Variants in THRB observed in about 807,000 individuals in gnomAD.
THRB encodes the protein nuclear receptor subfamily 1 group A member 2.
THRB carries 12 observed loss-of-function variants against 47.8 expected under a neutral mutation model. That is an observed-to-expected ratio of 0.25 (90% CI 0.16 to 0.41). The LOEUF is 0.41. Ranked by LOEUF, THRB falls within the 10% of genes least tolerant of loss-of-function variation. The pLI, the probability that THRB is intolerant of heterozygous loss-of-function variation, is 1.00. For missense variants in THRB, 348 were observed against 589.2 expected (o/e 0.59, Z 4.24); for synonymous variants, 218 against 212.2 (o/e 1.03, Z -0.24).
At chr3:24,481,229 G>GTTTTTTTTTTT (rs746323691) in intron 1 of THRB, among the ~76,000 whole-genome samples, 25 of 55,364 alleles carry the variant, frequency 4.5e-4, no homozygotes, top group African/African-American at 9.9e-4. Flanking sequence ...GTTTCTTTCT[G>GTTTTTTTTTTT]TTTTTTTTTT....
At chr3:24,422,729 C>A (rs2069387504) in intron 1 of THRB, among the ~76,000 whole-genome samples, 1 of 151,884 alleles carries the variant, frequency 6.6e-6, no homozygotes, top group Admixed American at 6.6e-5. Flanking sequence ...CTGGAAAGTT[C>A]AGGCCTTACA....
At chr3:24,411,131 A>G (rs1214711414) in intron 1 of THRB, among the ~76,000 whole-genome samples, 1 of 151,774 alleles carries the variant, frequency 6.6e-6, no homozygotes, top group Non-Finnish European at 1.5e-5. Context: ...TGAAACTGCA[A>G]CATTGGCCTC....
At chr3:24,384,816 G>T (rs533398373) in intron 1 of THRB, among the ~76,000 whole-genome samples, 1 of 152,124 alleles carries the variant, frequency 6.6e-6, no homozygotes, top group Non-Finnish European at 1.5e-5. Flanking sequence ...ACCTATGTCA[G>T]AATAGGGGTT....
At chr3:24,461,942 A>G (rs919918759) in intron 1 of THRB, among the ~76,000 whole-genome samples, 3 of 152,216 alleles carry the variant, frequency 2.0e-5, no homozygotes, top group African/African-American at 7.2e-5. Flanking sequence ...ATATTCAATG[A>G]CATGGAATAA....
intron 1 of THRB, among the ~76,000 whole-genome samples, chr3:24,358,387 G>A (rs927552266): frequency 6.7e-6 from 1 of 150,090 alleles, no homozygotes; most frequent in African/African-American, 2.5e-5. Context: ...TTAAAAACTT[G>A]TCTGGTACTT....
intron 3 of THRB, among the ~76,000 whole-genome samples, chr3:24,235,399 CA>C (rs2048756933): frequency 6.6e-6 from 1 of 152,130 alleles, no homozygotes; most frequent in African/African-American, 2.4e-5. Context: ...TGCACTGAAT[CA>C]AAACATGCTT....
intron 5 of THRB, chr3:24,165,683 G>A (rs1038731713): frequency 1.4e-5 from 3 of 214,754 alleles, no homozygotes; most frequent in Non-Finnish European, 2.7e-5. Flanking sequence ...GAAGATGGCA[G>A]GCAGGTAGGA....
At chr3:24,475,805 A>C (rs1695368874) in intron 1 of THRB, among the ~76,000 whole-genome samples, 1 of 152,250 alleles carries the variant, frequency 6.6e-6, no homozygotes, top group Non-Finnish European at 1.5e-5. Flanking sequence ...TAAAGTAAAG[A>C]TTCTATATAA....
chr3:24,482,830 C>T (rs1007879465), intron 1 of THRB, among the ~76,000 whole-genome samples: 1 of 152,122 alleles, frequency 6.6e-6, no homozygotes, highest in Admixed American at 6.5e-5. Flanking sequence ...AGATTCTGTA[C>T]CTGAGCGACA....
At chr3:24,468,973 T>G (rs2074357965) in intron 1 of THRB, among the ~76,000 whole-genome samples, 1 of 152,090 alleles carries the variant, frequency 6.6e-6, no homozygotes, top group Non-Finnish European at 1.5e-5. Context: ...AAAGCAGGGT[T>G]CAATAAAATG....
intron 1 of THRB, among the ~76,000 whole-genome samples, chr3:24,403,007 C>T (rs1319295748): frequency 3.9e-5 from 6 of 152,022 alleles, no homozygotes; most frequent in South Asian, 4.2e-4. Context: ...TCTAAATATT[C>T]GTTAATCCAG....
rs374375293 is a variant in THRB, at chr3:24,276,055, T to A, written c.-43+21171A>T. On this transcript the variant is annotated intron_variant, in intron 3 of 10. Transcript: ENST00000646209. ...GCAGTCTTCTACTTTTTTTTTTTTTTAATAACCTCCTTTCCATGCTCTTGT... is the reference window on the plus strand; with the variant it reads ...GCAGTCTTCTACTTTTTTTTTTTTTAAATAACCTCCTTTCCATGCTCTTGT... Among the ~76,000 whole-genome samples the A allele has an allele frequency of 9.5e-3, 1,437 of 152,060 alleles. 16 individuals carry two copies. The highest frequency in any genetic ancestry group is 0.031 in the South Asian group (150 of 4,808).
chr3:24,205,440 A>T (rs927457987), intron 4 of THRB, among the ~76,000 whole-genome samples: 7 of 152,190 alleles, frequency 4.6e-5, no homozygotes, highest in Admixed American at 1.3e-4. Context: ...CTTTACAGAG[A>T]AGCAAATGCT....
At chr3:24,369,329 G>A (rs553170456) in intron 1 of THRB, among the ~76,000 whole-genome samples, 8 of 152,186 alleles carry the variant, frequency 5.3e-5, no homozygotes, top group Middle Eastern at 6.8e-3. Context: ...TTTGACTCTC[G>A]TTTTGCAAAA....
chr3:24,474,892 G>T (rs1243254048), intron 1 of THRB, among the ~76,000 whole-genome samples: 2 of 152,194 alleles, frequency 1.3e-5, no homozygotes, highest in Non-Finnish European at 2.9e-5. Context: ...TAATTGAAAA[G>T]TATATATGAA....
At chr3:24,460,707 C>A (rs1301323975) in intron 1 of THRB, among the ~76,000 whole-genome samples, 1 of 152,168 alleles carries the variant, frequency 6.6e-6, no homozygotes, top group Non-Finnish European at 1.5e-5. Context: ...TCATCCAGAA[C>A]TGCCTGGTCA....
intron 3 of THRB, among the ~76,000 whole-genome samples, chr3:24,247,246 G>T (rs1199944413): frequency 6.6e-6 from 1 of 152,158 alleles, no homozygotes; most frequent in African/African-American, 2.4e-5. Context: ...TGTGTGCACG[G>T]TTTCCTAAAA....
intron 1 of THRB, among the ~76,000 whole-genome samples, chr3:24,339,271 T>C (rs890785459): frequency 2.0e-5 from 3 of 152,230 alleles, no homozygotes; most frequent in East Asian, 1.9e-4. Context: ...TAAGTTTGTA[T>C]ACACAGCATT....
intron 7 of THRB, chr3:24,144,042 CA>C (rs1312399753): frequency 2.9e-6 from 1 of 344,982 alleles, no homozygotes; most frequent in African/African-American, 2.1e-5. Context: ...CCCACAAGAT[CA>C]CAGAGAAATC....
Sources: allele counts gnomAD v4.1 joint callset (sites outside exome capture counted in the v4.1 genomes callset), GRCh38; gene constraint gnomAD v4.1.1; transcripts MANE v1.5; gene names NCBI Gene and HGNC (gene_info 2026-07-23, HGNC 2026-07-21).